CACNA2D1: variants seen among roughly 807,000 people sequenced by gnomAD.
CACNA2D1 encodes voltage-dependent calcium channel subunit alpha-2/delta-1.
Under a neutral mutation model 171.5 loss-of-function variants are expected in CACNA2D1, and 53 were observed. The observed-to-expected ratio is 0.31, with a 90% CI of 0.25 to 0.39. The LOEUF (loss-of-function observed/expected upper bound fraction) is 0.39, where lower values mean the gene tolerates loss of function less well. Ranked by LOEUF, CACNA2D1 falls within the 10% of genes least tolerant of loss-of-function variation. The pLI is 1.00. For missense variants in CACNA2D1, 903 were observed against 1,299.8 expected, an observed-to-expected ratio of 0.69 and a Z score of 4.69; for synonymous variants, 442 against 443.1, an observed-to-expected ratio of 1.00 and a Z score of 0.03.
At chr7:82,420,304 C>A (rs1828595475) in intron 1 of CACNA2D1, among the ~76,000 whole-genome samples, 1 of 152,128 alleles carries the variant, frequency 6.6e-6, no homozygotes, top group Non-Finnish European at 1.5e-5. Flanking sequence ...ATTCATCATG[C>A]TGTGTCTGAA....
chr7:82,157,599 C>G (rs1794497372), intron 4 of CACNA2D1, among the ~76,000 whole-genome samples: 1 of 151,976 alleles, frequency 6.6e-6, no homozygotes, highest in African/African-American at 2.4e-5. Context: ...AACAGAAACA[C>G]CAATACTCTT....
At chr7:82,109,920 T>G (rs117560237) in intron 6 of CACNA2D1, among the ~76,000 whole-genome samples, 5 of 152,320 alleles carry the variant, frequency 3.3e-5, no homozygotes, top group Non-Finnish European at 5.9e-5. Context: ...AGGTTCTATA[T>G]TCTTGTCCAT....
intron 1 of CACNA2D1, among the ~76,000 whole-genome samples, chr7:82,365,580 C>T (rs910557079): frequency 6.6e-6 from 1 of 152,150 alleles, no homozygotes; most frequent in Non-Finnish European, 1.5e-5. Context: ...AGACCAATGA[C>T]AGATCAATGA....
intron 37 of CACNA2D1, 23 bp from the exon 38 acceptor site, chr7:81,959,380 T>G: frequency 6.6e-7 from 1 of 1,518,480 alleles, no homozygotes; most frequent in Non-Finnish European, 9.1e-7. Context: ...TGTTAAGGAA[T>G]CTCATGTTAG....
At chr7:82,129,460 G>C (rs1790706146) in intron 5 of CACNA2D1, among the ~76,000 whole-genome samples, 1 of 151,900 alleles carries the variant, frequency 6.6e-6, no homozygotes, top group Non-Finnish European at 1.5e-5. Context: ...TACTTTTCTG[G>C]CATTTGAAGA....
intron 3 of CACNA2D1, among the ~76,000 whole-genome samples, chr7:82,227,291 C>G: frequency 6.6e-6 from 1 of 152,072 alleles, no homozygotes. Flanking sequence ...AAATGATTCA[C>G]AGAGAGCAGA....
At chr7:82,075,411 G>A (rs1808844062) in intron 7 of CACNA2D1, among the ~76,000 whole-genome samples, 1 of 152,132 alleles carries the variant, frequency 6.6e-6, no homozygotes, top group Non-Finnish European at 1.5e-5. Flanking sequence ...TCCTTTAGAT[G>A]TCCCATAATG....
chr7:81,965,356 A>G (rs192160547), intron 32 of CACNA2D1, among the ~76,000 whole-genome samples: 163 of 152,070 alleles, frequency 1.1e-3, no homozygotes, highest in African/African-American at 3.9e-3. Context: ...ATGTCATGCT[A>G]AAATCCTTAA....
chr7:82,322,884 A>G (rs1816174500), intron 3 of CACNA2D1, among the ~76,000 whole-genome samples: 1 of 152,218 alleles, frequency 6.6e-6, no homozygotes, highest in Non-Finnish European at 1.5e-5. Flanking sequence ...GTCATTCAGT[A>G]AAAGTTAGCA....
At chr7:82,256,426 A>C (rs914218103) in intron 3 of CACNA2D1, among the ~76,000 whole-genome samples, 11 of 152,224 alleles carry the variant, frequency 7.2e-5, no homozygotes, top group African/African-American at 2.7e-4. Context: ...TTATTCTTAC[A>C]TTGTACAATT....
intron 12 of CACNA2D1, among the ~76,000 whole-genome samples, chr7:82,026,678 A>C (rs1801962268): frequency 6.6e-6 from 1 of 151,716 alleles, no homozygotes; most frequent in Non-Finnish European, 1.5e-5. Flanking sequence ...TCGCTCACAC[A>C]GGGTGGGTGT....
chr7:82,282,704 TG>T (rs3834350), intron 3 of CACNA2D1, among the ~76,000 whole-genome samples: 1 of 143,326 alleles, frequency 7.0e-6, no homozygotes, highest in East Asian at 2.2e-4. Context: ...TTGTAAAATG[TG>T]GGGGGGGGAA....
At chr7:82,220,974 C>T (rs149360619) in intron 3 of CACNA2D1, among the ~76,000 whole-genome samples, 53 of 152,098 alleles carry the variant, frequency 3.5e-4, no homozygotes, top group African/African-American at 1.2e-3. Flanking sequence ...CAGGGTTTCA[C>T]GATGTTGGCC....
At chr7:82,348,855 C>T (rs540120724) in intron 2 of CACNA2D1, among the ~76,000 whole-genome samples, 3 of 152,140 alleles carry the variant, frequency 2.0e-5, no homozygotes, top group South Asian at 4.1e-4. Flanking sequence ...TACATTGAAA[C>T]GAAAGTAGTG....
At chr7:82,288,479 T>G (rs1180204814) in intron 3 of CACNA2D1, among the ~76,000 whole-genome samples, 2 of 151,666 alleles carry the variant, frequency 1.3e-5, no homozygotes, top group African/African-American at 4.8e-5. Context: ...TTAGCTTCTT[T>G]TAACAAAGAG....
intron 1 of CACNA2D1, among the ~76,000 whole-genome samples, chr7:82,395,485 T>G (rs1184486975): frequency 3.3e-5 from 5 of 152,208 alleles, no homozygotes; most frequent in African/African-American, 1.2e-4. Context: ...TGTAGTTACA[T>G]ATTTAAAAAC....
chr7:82,217,370 C>T (rs796374747), intron 3 of CACNA2D1, among the ~76,000 whole-genome samples: 24 of 113,298 alleles, frequency 2.1e-4, no homozygotes, highest in Middle Eastern at 4.3e-3. Flanking sequence ...TATATATATA[C>T]ACACATATAC....
intron 1 of CACNA2D1, among the ~76,000 whole-genome samples, chr7:82,407,022 A>G (rs931511301): frequency 1.3e-5 from 2 of 152,204 alleles, no homozygotes; most frequent in Admixed American, 6.6e-5. Context: ...CTACCCCTCT[A>G]TAAATATGAT....
intron 16 of CACNA2D1, among the ~76,000 whole-genome samples, chr7:82,006,713 C>A (rs537187133): frequency 6.6e-6 from 1 of 152,100 alleles, no homozygotes; most frequent in African/African-American, 2.4e-5. Context: ...GATCTGTGAA[C>A]ACGTATGAGA....
Sources: gnomAD v4.1 joint callset for allele counts (sites outside exome capture counted in the v4.1 genomes callset) on GRCh38, gnomAD v4.1.1 for gene constraint, MANE v1.5 for transcripts, NCBI Gene and HGNC (gene_info 2026-07-23, HGNC 2026-07-21) for gene names.